Variants in PAPSS1 observed in about 807,000 individuals in gnomAD.
PAPSS1 encodes the protein bifunctional 3'-phosphoadenosine 5'-phosphosulfate synthase 1.
Under a neutral mutation model 72.0 loss-of-function variants are expected in PAPSS1, and 50 were observed. The observed-to-expected ratio is 0.69, with a 90% confidence interval of 0.55 to 0.88. The LOEUF (loss-of-function observed/expected upper bound fraction) is 0.88, where lower values mean the gene tolerates loss of function less well. PAPSS1 is among the 40% of genes least tolerant of loss of function. The pLI is 0.00. For synonymous variants in PAPSS1, 261 were observed against 263.6 expected (o/e 0.99, Z 0.09); for missense variants, 657 against 782.2 (o/e 0.84, Z 1.91).
At chr4:107,657,763 C>A (rs1727060065) in intron 6 of PAPSS1, among the ~76,000 whole-genome samples, 1 of 151,468 alleles carries the variant, frequency 6.6e-6, no homozygotes, top group Admixed American at 6.6e-5. Context: ...AAAAAGAAGT[C>A]ATTGGGAGAC....
chr4:107,675,399 A>G (rs1245294283), intron 5 of PAPSS1, among the ~76,000 whole-genome samples: 3 of 152,230 alleles, frequency 2.0e-5, no homozygotes, highest in Admixed American at 2.0e-4. Flanking sequence ...AGAGAATACT[A>G]TCAACACCTC....
At chr4:107,686,760 A>G (rs925124637) in intron 4 of PAPSS1, among the ~76,000 whole-genome samples, 1 of 152,344 alleles carries the variant, frequency 6.6e-6, no homozygotes, top group African/African-American at 2.4e-5. Context: ...GTCCAACTTA[A>G]TGTTAGGCAC....
At chr4:107,710,464 T>C (rs929675127) in intron 1 of PAPSS1, among the ~76,000 whole-genome samples, 1 of 152,202 alleles carries the variant, frequency 6.6e-6, no homozygotes, top group Non-Finnish European at 1.5e-5. Context: ...TCCTAGAAAG[T>C]AGGTCAAGGA....
At chr4:107,623,451 T>C (rs1358745708) in intron 11 of PAPSS1, among the ~76,000 whole-genome samples, 2 of 152,250 alleles carry the variant, frequency 1.3e-5, no homozygotes, top group Non-Finnish European at 2.9e-5. Flanking sequence ...CTTAGAGGCC[T>C]GCCTACTTAA....
At chr4:107,661,675 C>T (rs769792950) in intron 5 of PAPSS1, among the ~76,000 whole-genome samples, 4 of 151,870 alleles carry the variant, frequency 2.6e-5, no homozygotes, top group Non-Finnish European at 5.9e-5. Context: ...TAAAACAATA[C>T]AAAACAACAA....
chr4:107,645,078 G>A lies in PAPSS1; in HGVS notation c.1238-8C>T, dbSNP rs1281890002. On this transcript the variant is annotated splice_polypyrimidine_tract_variant and splice_region_variant and intron_variant, in intron 9 of 11. Transcript: ENST00000265174. ...GAAATGCAAAGACAGCATCTGAAAA[G>A]AGAATTTCCAGAGTTAAGAATAGCA... 6 of 1,491,784 alleles carry A rather than the reference G, an allele frequency of 4.0e-6. No homozygotes were observed. In the African/African-American group the frequency reaches 5.6e-5, roughly 14 times the overall value. 92.4% of individuals were successfully genotyped at this position (1,491,784 alleles called of 1,614,324 possible).
chr4:107,633,805 GCTA>G (rs1726285533), intron 10 of PAPSS1, among the ~76,000 whole-genome samples: 1 of 151,938 alleles, frequency 6.6e-6, no homozygotes, highest in South Asian at 2.1e-4. Flanking sequence ...TGTAGTCACA[GCTA>G]CTCGGGAGGC....
intron 2 of PAPSS1, among the ~76,000 whole-genome samples, chr4:107,695,925 C>T (rs1367467969): frequency 6.6e-6 from 1 of 152,136 alleles, no homozygotes; most frequent in Non-Finnish European, 1.5e-5. Flanking sequence ...TATGAACAGA[C>T]ACTTCTCAAA....
At chr4:107,672,641 G>A (rs1234817210) in intron 5 of PAPSS1, among the ~76,000 whole-genome samples, 2 of 152,318 alleles carry the variant, frequency 1.3e-5, no homozygotes, top group Middle Eastern at 6.8e-3. Context: ...ACCTCTGGGG[G>A]CAGGGCATAG....
intron 9 of PAPSS1, among the ~76,000 whole-genome samples, chr4:107,652,728 AT>A (rs1726879101): frequency 6.6e-6 from 1 of 152,196 alleles, no homozygotes; most frequent in Admixed American, 6.5e-5. Context: ...AGTACACAGT[AT>A]ATATTTGGTG....
At position 107,720,100 on chromosome 4, in the gene PAPSS1, C is replaced by T; in HGVS notation, c.60+20G>A. 6.3e-7 allele frequency: 1 copy of T among 1,599,560 alleles called. No individual in the cohort carries two copies. Among genetic ancestry groups the T allele is most frequent in the East Asian group, 2.3e-5 (1 of 42,998 alleles). Reference sequence around the variant, plus strand: ...ACAGCCCCTCCGCTCCTCGCCGTCTCGCCTTCGTCCCCAGCTTACCCAGTT... The same window carrying T: ...ACAGCCCCTCCGCTCCTCGCCGTCTTGCCTTCGTCCCCAGCTTACCCAGTT... On this transcript the variant is annotated intron_variant, in intron 1 of 11. Coordinates refer to ENST00000265174, the MANE Select transcript of PAPSS1 (RefSeq NM_005443.5).
intron 5 of PAPSS1, among the ~76,000 whole-genome samples, chr4:107,668,042 C>G (rs1229403557): frequency 6.6e-6 from 1 of 152,126 alleles, no homozygotes; most frequent in Non-Finnish European, 1.5e-5. Flanking sequence ...TAGGGAACAA[C>G]TGATCAAGGA....
At chr4:107,634,971 T>G (rs1429269575) in intron 10 of PAPSS1, among the ~76,000 whole-genome samples, 1 of 151,970 alleles carries the variant, frequency 6.6e-6, no homozygotes. Flanking sequence ...CTAATTTTTT[T>G]GTATTTTTAG....
At chr4:107,719,236 T>C (rs1227233444) in intron 1 of PAPSS1, among the ~76,000 whole-genome samples, 2 of 149,322 alleles carry the variant, frequency 1.3e-5, no homozygotes, top group African/African-American at 2.4e-5. Context: ...TTGGGAGACA[T>C]TGCATTTAAA....
chr4:107,710,555 G>A (rs904066384), intron 1 of PAPSS1, among the ~76,000 whole-genome samples: 2 of 152,136 alleles, frequency 1.3e-5, no homozygotes, highest in African/African-American at 4.8e-5. Context: ...ATAGCTGAAA[G>A]AACACTCAGG....
At chr4:107,616,452 A>C (rs1725826341) in intron 11 of PAPSS1, among the ~76,000 whole-genome samples, 1 of 152,190 alleles carries the variant, frequency 6.6e-6, no homozygotes, top group Non-Finnish European at 1.5e-5. Flanking sequence ...GGTGCTAGGG[A>C]CACCAAATAT....
chr4:107,715,028 GA>G (rs148223186), intron 1 of PAPSS1, among the ~76,000 whole-genome samples: 21 of 148,746 alleles, frequency 1.4e-4, no homozygotes, highest in East Asian at 7.9e-4. Context: ...CAGATAAGTA[GA>G]AAAAAAAAAT....
At chr4:107,638,586 G>A (rs141527873) in intron 10 of PAPSS1, among the ~76,000 whole-genome samples, 282 of 152,244 alleles carry the variant, frequency 1.9e-3, no homozygotes, top group Non-Finnish European at 2.2e-3. Context: ...AACAAGCCTG[G>A]AAATGCTCAG....
At chr4:107,636,295 A>T (rs921852501) in intron 10 of PAPSS1, among the ~76,000 whole-genome samples, 12 of 152,236 alleles carry the variant, frequency 7.9e-5, no homozygotes, top group African/African-American at 2.9e-4. Flanking sequence ...TTAAAAAAAG[A>T]TCAATATTTA....
Sources: allele counts gnomAD v4.1 joint callset (sites outside exome capture counted in the v4.1 genomes callset), GRCh38; gene constraint gnomAD v4.1.1; transcripts MANE v1.5; gene names NCBI Gene and HGNC (gene_info 2026-07-23, HGNC 2026-07-21).